LRMDA: variants seen among roughly 807,000 people sequenced by gnomAD.
LRMDA encodes the protein leucine rich melanocyte differentiation associated.
A neutral mutation model predicts 29.8 loss-of-function variants in LRMDA; 18 were observed. That is an observed-to-expected ratio of 0.60 (90% confidence interval 0.42 to 0.90). The LOEUF is 0.90. Among genes scored for constraint, LRMDA ranks in the 40% least tolerant of loss-of-function variants. The pLI is 0.00. For synonymous variants in LRMDA, 125 were observed against 109.4 expected (o/e 1.14, Z -0.89); for missense variants, 273 against 273.9 (o/e 1.00, Z 0.02).
chr10:75,716,793 C>A (rs578202318), intron 2 of LRMDA, among the ~76,000 whole-genome samples: 1 of 152,078 alleles, frequency 6.6e-6, no homozygotes, highest in Admixed American at 6.5e-5. Flanking sequence ...TGAGTGACTC[C>A]GTTTATAATA....
At position 75,920,704 on chromosome 10, in the gene LRMDA, G is replaced by A. The variant is rs770756261; in HGVS notation, c.132-115304G>A. ...GCTCTCAGATTTTCTAGCACAAAGAGCAAAAACAAAAACAACCCCAAAGAC... is the reference window on the plus strand; with the variant it reads ...GCTCTCAGATTTTCTAGCACAAAGAACAAAAACAAAAACAACCCCAAAGAC... On this transcript the variant is annotated intron_variant, in intron 2 of 6. Transcript: ENST00000611255. Among the ~76,000 whole-genome samples, 67 of 152,132 alleles carry A rather than the reference G, an allele frequency of 4.4e-4. 1 individual carries two copies. Among genetic ancestry groups the A allele is most frequent in the Non-Finnish European group, 4.0e-4 (27 of 68,024 alleles).
At chr10:75,570,753 C>T (rs929530988) in intron 2 of LRMDA, among the ~76,000 whole-genome samples, 1 of 152,170 alleles carries the variant, frequency 6.6e-6, no homozygotes, top group Non-Finnish European at 1.5e-5. Flanking sequence ...TTTCTTTTGT[C>T]AAATTGCCAG....
intron 6 of LRMDA, among the ~76,000 whole-genome samples, chr10:76,498,130 A>G (rs889376500): frequency 1.3e-5 from 1 of 75,462 alleles, no homozygotes; most frequent in African/African-American, 3.2e-5. Context: ...TGGTCTTGCA[A>G]ATTGGAACAG....
chr10:76,519,124 C>T (rs535563461), intron 6 of LRMDA, among the ~76,000 whole-genome samples: 45 of 152,088 alleles, frequency 3.0e-4, no homozygotes, highest in African/African-American at 8.7e-4. Flanking sequence ...GCCTGGGCAA[C>T]GTGGTGAAAC....
intron 2 of LRMDA, among the ~76,000 whole-genome samples, chr10:75,933,623 A>G (rs1052428046): frequency 6.6e-6 from 1 of 152,170 alleles, no homozygotes; most frequent in African/African-American, 2.4e-5. Flanking sequence ...TGCATCTGCT[A>G]GAATGTCGTA....
At chr10:75,655,964 C>T (rs1278606672) in intron 2 of LRMDA, among the ~76,000 whole-genome samples, 2 of 152,170 alleles carry the variant, frequency 1.3e-5, no homozygotes, top group Non-Finnish European at 2.9e-5. Flanking sequence ...TGGAGCTCCC[C>T]TCATGTGACC....
At chr10:76,491,965 T>C (rs776595539) in intron 6 of LRMDA, among the ~76,000 whole-genome samples, 10 of 152,094 alleles carry the variant, frequency 6.6e-5, no homozygotes, top group Non-Finnish European at 1.5e-4. Context: ...TTATCAGCTC[T>C]GCTGATAGGA....
chr10:75,859,757 A>G (rs1413549935), intron 2 of LRMDA, among the ~76,000 whole-genome samples: 1 of 152,162 alleles, frequency 6.6e-6, no homozygotes, highest in African/African-American at 2.4e-5. Flanking sequence ...GATGCTGTCA[A>G]ATAAACAGGT....
At chr10:75,960,757 G>A (rs185841528) in intron 2 of LRMDA, among the ~76,000 whole-genome samples, 1 of 152,228 alleles carries the variant, frequency 6.6e-6, no homozygotes, top group East Asian at 1.9e-4. Flanking sequence ...GGAACTTCAG[G>A]CATGTGCCAC....
At chr10:75,444,293 CTT>C (rs1365221851) in intron 2 of LRMDA, among the ~76,000 whole-genome samples, 2 of 152,180 alleles carry the variant, frequency 1.3e-5, no homozygotes, top group East Asian at 1.9e-4. Flanking sequence ...TTTTGTGACT[CTT>C]TTCTGGGGGA....
intron 2 of LRMDA, among the ~76,000 whole-genome samples, chr10:75,609,146 G>A (rs1840996547): frequency 6.6e-6 from 1 of 152,140 alleles, no homozygotes; most frequent in Non-Finnish European, 1.5e-5. Flanking sequence ...CACTCTCTAG[G>A]TTGGGAGGTG....
intron 2 of LRMDA, among the ~76,000 whole-genome samples, chr10:75,932,121 A>G (rs1397649463): frequency 2.0e-5 from 3 of 152,222 alleles, no homozygotes; most frequent in Non-Finnish European, 4.4e-5. Flanking sequence ...AAGCTTGATT[A>G]TATTAGTACA....
chr10:76,102,890 A>C (rs1849416773), intron 5 of LRMDA, among the ~76,000 whole-genome samples: 1 of 152,130 alleles, frequency 6.6e-6, no homozygotes, highest in Non-Finnish European at 1.5e-5. Context: ...GGGTTCAAGC[A>C]GTCCTCCCGC....
At chr10:76,319,373 G>A (rs575416198) in intron 5 of LRMDA, among the ~76,000 whole-genome samples, 5 of 152,218 alleles carry the variant, frequency 3.3e-5, no homozygotes, top group African/African-American at 9.6e-5. Flanking sequence ...CTGTTAGTAT[G>A]AGTGAGAAAT....
intron 2 of LRMDA, among the ~76,000 whole-genome samples, chr10:75,879,657 G>C (rs903516492): frequency 1.3e-5 from 2 of 152,146 alleles, no homozygotes; most frequent in African/African-American, 4.8e-5. Context: ...TTCACACCAG[G>C]ATTTGGGGTT....
intron 4 of LRMDA, among the ~76,000 whole-genome samples, chr10:76,054,149 A>C (rs948813165): frequency 6.6e-6 from 1 of 152,196 alleles, no homozygotes; most frequent in Non-Finnish European, 1.5e-5. Context: ...TGAATGTATG[A>C]GTAAGTAAAT....
chr10:76,072,355 A>G (rs1848888835), intron 5 of LRMDA, among the ~76,000 whole-genome samples: 1 of 152,194 alleles, frequency 6.6e-6, no homozygotes, highest in African/African-American at 2.4e-5. Context: ...AATCTGTGTC[A>G]CAGAGATAAT....
chr10:76,478,770 C>A (rs536135923), intron 6 of LRMDA, among the ~76,000 whole-genome samples: 3 of 152,048 alleles, frequency 2.0e-5, no homozygotes, highest in African/African-American at 7.2e-5. Context: ...AGCTGGAAAC[C>A]GTCATTCTCA....
chr10:76,545,955 C>G (rs1843416305), intron 6 of LRMDA, among the ~76,000 whole-genome samples: 1 of 152,112 alleles, frequency 6.6e-6, no homozygotes, highest in Non-Finnish European at 1.5e-5. Context: ...ACTCTTGGCC[C>G]CAACTCAGAT....
Sources: allele counts gnomAD v4.1 joint callset (sites outside exome capture counted in the v4.1 genomes callset), GRCh38; gene constraint gnomAD v4.1.1; transcripts MANE v1.5; gene names NCBI Gene and HGNC (gene_info 2026-07-23, HGNC 2026-07-21).